Variants in NECTIN1 observed in about 807,000 individuals in gnomAD.
NECTIN1 encodes the protein nectin cell adhesion molecule 1.
In NECTIN1, 23 loss-of-function variants were observed where a neutral mutation model predicts 48.0. The ratio of observed to expected loss-of-function variants is 0.48; its 90% CI spans 0.34 to 0.68. The LOEUF (loss-of-function observed/expected upper bound fraction) is 0.68. Ranked by LOEUF, NECTIN1 falls within the 30% of genes least tolerant of loss-of-function variation. The pLI, the probability that NECTIN1 is intolerant of heterozygous loss-of-function variation, is 0.01. For synonymous variants in NECTIN1, 270 were observed against 288.9 expected (o/e 0.93, Z 0.66); for missense variants, 591 against 709.9 (o/e 0.83, Z 1.90).
rs571276011 is a variant in NECTIN1, at chr11:119,685,292, C to T, written c.80-6527G>A. ...CCTCTTGCCTGATGACCCCCCAACT[C>T]CCCACATGGAGCTGTTTAATGATGG... is the stretch of plus-strand genomic sequence containing the variant. On this transcript the variant is annotated intron_variant, in intron 1 of 5. Transcript: ENST00000264025. 2.6e-5 allele frequency among the ~76,000 whole-genome samples: 4 copies of T among 152,368 alleles called. No homozygotes were observed. In the East Asian group the frequency reaches 7.7e-4, roughly 29 times the overall value.
rs1163280303 is a variant in NECTIN1, at chr11:119,662,823, C to T, written c.*1924G>A. 3.0e-6 allele frequency: 3 copies of T among 986,060 alleles called. No individual in the cohort carries two copies. The highest frequency in any genetic ancestry group is 2.4e-6 in the Non-Finnish European group (2 of 830,216). 61.1% of individuals were successfully genotyped at this position (986,060 alleles called of 1,614,324 possible). A position where few individuals can be genotyped will look rare whatever the true frequency, so the allele number is the denominator to read the frequency against. On this transcript the variant is annotated 3_prime_UTR_variant, in exon 6 of 6. Transcript: ENST00000264025. This position sits in a 1 kb window ranked among gnomAD's most constrained non-coding sequence, Gnocchi z 5.3. ...CCACAATTTTCTCCCCTAACTTCAC[C>T]CTATCCAGTACCCCAAATGTGTAGA...
At chr11:119,710,190 C>T (rs144174698) in intron 1 of NECTIN1, among the ~76,000 whole-genome samples, 25 of 152,306 alleles carry the variant, frequency 1.6e-4, no homozygotes, top group Non-Finnish European at 2.9e-4. Flanking sequence ...CGCACACACG[C>T]GCACCCAAGC....
At chr11:119,638,894 C>T (rs1591432874) in intron 6 of NECTIN1, 1 of 1,219,544 alleles carries the variant, frequency 8.2e-7, no homozygotes, top group East Asian at 2.4e-5. Context: ...GGTCCCTGAG[C>T]CCCACTCACA....
chr11:119,649,546 C>A (rs558774229), intron 5 of NECTIN1, among the ~76,000 whole-genome samples: 26 of 151,610 alleles, frequency 1.7e-4, no homozygotes, highest in African/African-American at 6.3e-4. Context: ...AAAAATTAGC[C>A]AGGCATGGCA....
At chr11:119,715,142 G>C (rs1222472347) in intron 1 of NECTIN1, among the ~76,000 whole-genome samples, 1 of 152,176 alleles carries the variant, frequency 6.6e-6, no homozygotes, top group East Asian at 1.9e-4. Flanking sequence ...GCTGGAGGAT[G>C]ACCAACAGGC....
At chr11:119,647,160 C>CGTGTGT (rs1565375700) in intron 5 of NECTIN1, among the ~76,000 whole-genome samples, 13 of 71,304 alleles carry the variant, frequency 1.8e-4, no homozygotes, top group Admixed American at 4.4e-4. Context: ...GCTTGCGGCG[C>CGTGTGT]ATGTGTGTGT....
chr11:119,649,457 G>A (rs1028329748), intron 5 of NECTIN1, among the ~76,000 whole-genome samples: 1 of 151,510 alleles, frequency 6.6e-6, no homozygotes, highest in African/African-American at 2.4e-5. Context: ...GGAGGTCAAG[G>A]CGGGTGGATT....
chr11:119,640,482 A>G, intron 5 of NECTIN1: 1 of 193,742 alleles, frequency 5.2e-6, no homozygotes, highest in Non-Finnish European at 1.1e-5. Flanking sequence ...AGGAGCTGGG[A>G]GGGTCGATGA....
downstream of NECTIN1, among the ~76,000 whole-genome samples, chr11:119,658,040 C>A (rs973588575): frequency 3.3e-5 from 5 of 151,752 alleles, no homozygotes; most frequent in African/African-American, 1.2e-4. Flanking sequence ...TGGAGTGTAG[C>A]CTGGGTTAAG....
chr11:119,657,920 C>CA (rs61352311), downstream of NECTIN1, among the ~76,000 whole-genome samples: 1,065 of 78,218 alleles, frequency 0.014, 39 homozygotes, highest in African/African-American at 0.036. Context: ...GACCCCGTCT[C>CA]AAAAAAAAAA....
In NECTIN1 at chr11:119,716,853, C is replaced by T. The variant is rs191856154; in HGVS notation, c.79+11622G>A. Among the ~76,000 whole-genome samples, 9 of 152,338 alleles carry T rather than the reference C, an allele frequency of 5.9e-5. No homozygotes were observed. In the East Asian group the frequency reaches 1.4e-3, roughly 23 times the overall value. On this transcript the variant is annotated intron_variant, in intron 1 of 5. Coordinates refer to ENST00000264025, the MANE Select transcript of NECTIN1 (RefSeq NM_002855.5). ...AATCAGAAGCAGGCGCGTGCACACG[C>T]GCGCGCACGCACGCACGCACACACA... is the stretch of plus-strand genomic sequence containing the variant.
chr11:119,659,995 C>T (rs1010633049), downstream of NECTIN1, among the ~76,000 whole-genome samples: 1 of 152,184 alleles, frequency 6.6e-6, no homozygotes, highest in Non-Finnish European at 1.5e-5. Flanking sequence ...GGCCTTCCAG[C>T]GGGGGCTCAG....
chr11:119,711,705 A>G (rs1865650180), intron 1 of NECTIN1, among the ~76,000 whole-genome samples: 1 of 152,172 alleles, frequency 6.6e-6, no homozygotes, highest in South Asian at 2.1e-4. Flanking sequence ...TGCACTGGAG[A>G]AGCCAGGAGC....
chr11:119,722,975 T>TG (rs1472836333), intron 1 of NECTIN1, among the ~76,000 whole-genome samples: 1 of 152,114 alleles, frequency 6.6e-6, no homozygotes, highest in Non-Finnish European at 1.5e-5. Context: ...ACGAAAACTT[T>TG]GGGAGGCTGA....
intron 1 of NECTIN1, among the ~76,000 whole-genome samples, chr11:119,699,660 T>G (rs894484855): frequency 6.6e-6 from 1 of 152,106 alleles, no homozygotes; most frequent in African/African-American, 2.4e-5. Context: ...GAGTCTGGGG[T>G]AGGGCCTTTT....
rs943612244 is a variant in NECTIN1 at position 119,683,744 on chromosome 11, C to T, written c.80-4979G>A. The stretch of plus-strand genomic sequence containing the variant: ...TCCCACAGATATCAAAAGAATCAGT[C>T]TTTTTTTTTTTCCTGAACTCAAGCA... On this transcript the variant is annotated intron_variant, in intron 1 of 5. Coordinates refer to ENST00000264025, the MANE Select transcript of NECTIN1 (RefSeq NM_002855.5). The surrounding 1 kb of genome is among the most constrained non-coding windows in gnomAD (Gnocchi z 4.0). Among the ~76,000 whole-genome samples the T allele has an allele frequency of 6.1e-5, 9 of 147,512 alleles. No homozygotes were observed. Among genetic ancestry groups the T allele is most frequent in the Non-Finnish European group, 1.4e-4 (9 of 66,438 alleles).
chr11:119,650,769 TAGTA>T (rs1007209910), intron 5 of NECTIN1, among the ~76,000 whole-genome samples: 43 of 152,170 alleles, frequency 2.8e-4, no homozygotes, highest in African/African-American at 1.0e-3. Context: ...TTGGGAATGA[TAGTA>T]AGAGTAATAA....
intron 5 of NECTIN1, among the ~76,000 whole-genome samples, chr11:119,671,229 G>A (rs764123913): frequency 7.2e-5 from 11 of 152,050 alleles, no homozygotes; most frequent in Admixed American, 3.3e-4. Flanking sequence ...AGTAGCTCCT[G>A]TCTCTGTGCC....
intron 5 of NECTIN1, among the ~76,000 whole-genome samples, chr11:119,671,322 C>T (rs1168795557): frequency 6.6e-6 from 1 of 152,068 alleles, no homozygotes; most frequent in Non-Finnish European, 1.5e-5. Context: ...GGCAGGGGCC[C>T]AGCCAGCCTC....
Sources: allele counts gnomAD v4.1 joint callset (sites outside exome capture counted in the v4.1 genomes callset), GRCh38; gene constraint gnomAD v4.1.1; non-coding constraint Gnocchi (gnomAD v3.1); transcripts MANE v1.5; gene names NCBI Gene and HGNC (gene_info 2026-07-23, HGNC 2026-07-21).